Variants in ABCC5 observed in about 807,000 individuals in gnomAD.
ABCC5 encodes the protein ATP-binding cassette sub-family C member 5.
A neutral mutation model predicts 160.9 loss-of-function variants in ABCC5; 61 were observed. That is an observed-to-expected ratio of 0.38 (90% confidence interval 0.31 to 0.47). ABCC5 has a LOEUF of 0.47. ABCC5 is among the 20% of genes least tolerant of loss of function. The pLI, the probability that ABCC5 is intolerant of heterozygous loss-of-function variation, is 0.99. For synonymous variants in ABCC5, 666 were observed against 700.6 expected (o/e 0.95, Z 0.78); for missense variants, 1,308 against 1,813.3 (o/e 0.72, Z 5.06).
intron 17 of ABCC5, among the ~76,000 whole-genome samples, chr3:183,956,178 A>G (rs1476767918): frequency 1.4e-5 from 2 of 142,172 alleles, no homozygotes; most frequent in African/African-American, 2.6e-5. Context: ...GGTTACATGC[A>G]GATCCGTGTG....
intron 2 of ABCC5, among the ~76,000 whole-genome samples, chr3:183,999,655 C>T (rs537265996): frequency 6.6e-6 from 1 of 152,142 alleles, no homozygotes; most frequent in East Asian, 1.9e-4. Context: ...TGGTGCACAC[C>T]TGTGGTCCAG....
At chr3:184,016,123 A>C (rs1722171443) in intron 1 of ABCC5, among the ~76,000 whole-genome samples, 1 of 152,194 alleles carries the variant, frequency 6.6e-6, no homozygotes, top group South Asian at 2.1e-4. Context: ...TCAAAGGATG[A>C]AGTAGAATCA....
intron 2 of ABCC5, among the ~76,000 whole-genome samples, chr3:184,007,258 G>C (rs996054250): frequency 6.6e-6 from 1 of 151,578 alleles, no homozygotes; most frequent in African/African-American, 2.4e-5. Flanking sequence ...CTGACCTTGT[G>C]ATCTGCCCGC....
chr3:184,006,286 C>T (rs1317932413), intron 2 of ABCC5: 1 of 138,544 alleles, frequency 7.2e-6, no homozygotes, highest in Non-Finnish European at 1.5e-5. Flanking sequence ...TTATGGATGC[C>T]TACAGGGAGA....
At chr3:183,971,505 G>T in intron 11 of ABCC5, 58 bp downstream of exon 11, 5 of 1,499,020 alleles carry the variant, frequency 3.3e-6, no homozygotes, top group Non-Finnish European at 4.5e-6. Context: ...GCCTATTGGT[G>T]GCAGATCAGC....
chr3:184,005,521 A>T (rs1256370860), intron 2 of ABCC5, among the ~76,000 whole-genome samples: 1 of 152,068 alleles, frequency 6.6e-6, no homozygotes, highest in Admixed American at 6.6e-5. Flanking sequence ...CTGTGAGTTT[A>T]ATAATGACAG....
chr3:183,979,070 C>A (rs567609196), intron 8 of ABCC5, among the ~76,000 whole-genome samples: 1 of 152,118 alleles, frequency 6.6e-6, no homozygotes, highest in African/African-American at 2.4e-5. Context: ...AGGCCAGGTG[C>A]GGTGGCTCAT....
Position 183,965,507 on chromosome 3 carries a change from G to T in ABCC5, c.1834-6C>A. The T allele has an allele frequency of 6.2e-7, 1 of 1,613,644 alleles. No homozygotes were observed. Among genetic ancestry groups the T allele is most frequent in the African/African-American group, 1.3e-5 (1 of 75,018 alleles). On this transcript the variant is annotated splice_polypyrimidine_tract_variant and splice_region_variant and intron_variant, in intron 12 of 29. Coordinates refer to ENST00000334444, the MANE Select transcript of ABCC5 (RefSeq NM_005688.4). ...CTGCCCTCTAGAAGCGTCATCTAGGGAGAGAGACACCATCCAATGGCATCA... is the reference window on the plus strand; with the variant it reads ...CTGCCCTCTAGAAGCGTCATCTAGGTAGAGAGACACCATCCAATGGCATCA...
At chr3:183,955,261 A>C (rs549408863) in intron 17 of ABCC5, among the ~76,000 whole-genome samples, 1 of 152,282 alleles carries the variant, frequency 6.6e-6, no homozygotes, top group African/African-American at 2.4e-5. Flanking sequence ...GGGCCCTGCT[A>C]TCTGTCCTGT....
chr3:184,000,992 C>T (rs1019310687), intron 2 of ABCC5: 11 of 390,334 alleles, frequency 2.8e-5, no homozygotes, highest in Admixed American at 2.6e-4. Context: ...GTGGCTTATG[C>T]CTGTCATCAC....
rs1437099389 is a variant in ABCC5 at position 184,014,350 on chromosome 3, G to T, written c.43C>A (p.Pro15Thr). Residue 15 changes from proline (P) to threonine (T), a missense_variant, in exon 2 of 30, where the codon CCT (proline) becomes ACT (threonine). Pro to Thr is a conservative substitution (Grantham distance 38). Coordinates refer to ENST00000334444, the MANE Select transcript of ABCC5 (RefSeq NM_005688.4). ...CTCTCCCTCACACTTCTATACCCAG[G>T]ACTGGGGATGATATACTCTTTTCCT... ...DIGKEYIIPS[P>T]GYRSVRERTS... 1 of 1,613,588 alleles carries T rather than the reference G, an allele frequency of 6.2e-7. No homozygotes were observed. The highest frequency in any genetic ancestry group is 1.3e-5 in the African/African-American group (1 of 74,866).
chr3:183,924,963 A>G (rs1402001), intron 29 of ABCC5, among the ~76,000 whole-genome samples: 61,378 of 152,110 alleles, frequency 0.4, 13,295 homozygotes, highest in East Asian at 0.5. Flanking sequence ...ACAGATAAAA[A>G]GCTTGGAGAA....
intron 5 of ABCC5, chr3:183,984,951 C>T: frequency 6.8e-7 from 1 of 1,463,808 alleles, no homozygotes; most frequent in South Asian, 1.2e-5. Flanking sequence ...CTTTAGAGTG[C>T]CATTTTTCAG....
chr3:183,971,259 T>G (rs1237841315), intron 11 of ABCC5, among the ~76,000 whole-genome samples: 2 of 152,220 alleles, frequency 1.3e-5, no homozygotes, highest in Non-Finnish European at 2.9e-5. Context: ...CAGAAATAAT[T>G]GTCACAGCTC....
chr3:184,010,193 G>C (rs577413140), intron 2 of ABCC5, among the ~76,000 whole-genome samples: 2 of 150,572 alleles, frequency 1.3e-5, no homozygotes, highest in Non-Finnish European at 3.0e-5. Flanking sequence ...CTTGAGCCCG[G>C]GAGGTGGAGG....
chr3:183,941,702 G>A (rs1577482091), intron 25 of ABCC5, among the ~76,000 whole-genome samples: 1 of 151,970 alleles, frequency 6.6e-6, no homozygotes, highest in African/African-American at 2.4e-5. Flanking sequence ...GAGAAAAAAG[G>A]GGCCGGGTGC....
intron 24 of ABCC5, among the ~76,000 whole-genome samples, chr3:183,943,153 T>C (rs1577485223): frequency 6.6e-6 from 1 of 152,240 alleles, no homozygotes; most frequent in Admixed American, 6.5e-5. Flanking sequence ...GGGAGGGAAG[T>C]GGTGTTCAGA....
At position 183,989,510 on chromosome 3, in the gene ABCC5, C is replaced by A. The variant is rs906384004; in HGVS notation, c.130-127G>T. On this transcript the variant is annotated intron_variant, in intron 2 of 29. Coordinates refer to ENST00000334444, the MANE Select transcript of ABCC5 (RefSeq NM_005688.4). ...TAACTGAGAAATTCCAAGCAAGGGTCAGGAGGTTAAACACTAACTTTGTAT... is the reference window on the plus strand; with the variant it reads ...TAACTGAGAAATTCCAAGCAAGGGTAAGGAGGTTAAACACTAACTTTGTAT... 3.8e-5 allele frequency: 36 copies of A among 958,366 alleles called. No individual in the cohort carries two copies. In the East Asian group the frequency reaches 8.5e-4, roughly 23 times the overall value. 59.4% of individuals were successfully genotyped at this position (958,366 alleles called of 1,614,324 possible). A position where few individuals can be genotyped will look rare whatever the true frequency, so the allele number is the denominator to read the frequency against.
intron 5 of ABCC5, chr3:183,986,633 T>C (rs1337750060): frequency 1.3e-5 from 2 of 152,186 alleles, no homozygotes; most frequent in Non-Finnish European, 2.9e-5. Context: ...ATGATCACTT[T>C]ATTCGCAAAG....
Sources: allele counts gnomAD v4.1 joint callset (sites outside exome capture counted in the v4.1 genomes callset), GRCh38; gene constraint gnomAD v4.1.1; transcripts MANE v1.5; gene names NCBI Gene and HGNC (gene_info 2026-07-23, HGNC 2026-07-21).